LAMA1: variants seen among roughly 807,000 people sequenced by gnomAD.
The protein encoded by LAMA1 is laminin subunit alpha-1.
LAMA1 carries 219 observed loss-of-function variants against 348.7 expected under a neutral mutation model. That is an observed-to-expected ratio of 0.63 (90% confidence interval 0.56 to 0.70). The LOEUF is 0.70. Among genes scored for constraint, LAMA1 ranks in the 30% least tolerant of loss-of-function variants. LAMA1 has a pLI of 0.00. For synonymous variants in LAMA1, 1,487 were observed against 1,491.0 expected (o/e 1.00, Z 0.06); for missense variants, 3,744 against 3,888.0 (o/e 0.96, Z 0.99).
chr18:7,084,645 CT>C (rs1244298770), intron 1 of LAMA1, among the ~76,000 whole-genome samples: 1 of 152,204 alleles, frequency 6.6e-6, no homozygotes, highest in Non-Finnish European at 1.5e-5. Context: ...TTCCTTCTCA[CT>C]CACTAGCAGT....
chr18:7,065,339 A>G (rs1256038236), intron 3 of LAMA1, among the ~76,000 whole-genome samples: 2 of 152,110 alleles, frequency 1.3e-5, no homozygotes, highest in East Asian at 1.9e-4. Flanking sequence ...ATTTTTCTGT[A>G]AACCTAAAAC....
chr18:7,018,489 G>A (rs1340595807), intron 19 of LAMA1, among the ~76,000 whole-genome samples: 14 of 148,966 alleles, frequency 9.4e-5, no homozygotes, highest in Admixed American at 3.3e-4. Context: ...TCCGCCTTTC[G>A]GGTTCATGCC....
rs2057836471 is a variant in LAMA1 at position 7,007,252 on chromosome 18, C to T, written c.4147G>A (p.Gly1383Arg). 1 of 1,613,964 alleles carries T rather than the reference C, an allele frequency of 6.2e-7. No individual in the cohort carries two copies. Among genetic ancestry groups the T allele is most frequent in the African/African-American group, 1.3e-5 (1 of 74,906 alleles). The change falls in exon 29 of 63, where the codon GGG becomes AGG. Residue 1383 changes from glycine (G) to arginine (R), a missense_variant. Physicochemically the swap from Gly to Arg is moderately radical, Grantham distance 125 (BLOSUM62 -2). Transcript: ENST00000389658. ...CQDCAPGYHRGKLPAGSDRGP... is the reference protein window; with the variant it reads ...CQDCAPGYHRRKLPAGSDRGP... The stretch of plus-strand genomic sequence containing the variant: ...CTGTCACTCCCTGCTGGGAGCTTCC[C>T]TCTGTGGTACCCAGGGGCGCAGTCC...
intron 39 of LAMA1, 63 bp downstream of exon 39, chr18:6,985,174 T>G: frequency 6.4e-7 from 1 of 1,563,598 alleles, no homozygotes. Context: ...AATAGAAACA[T>G]CCATCTATTT....
At chr18:7,077,280 C>T (rs1319180192) in intron 3 of LAMA1, among the ~76,000 whole-genome samples, 1 of 148,176 alleles carries the variant, frequency 6.7e-6, no homozygotes, top group Non-Finnish European at 1.5e-5. Flanking sequence ...CGGCTCACTG[C>T]AAGCTCCGCC....
chr18:6,948,510 C>T lies in LAMA1; in HGVS notation c.8603G>A (p.Ser2868Asn), dbSNP rs765974845. The T allele has an allele frequency of 1.2e-6, 2 of 1,614,068 alleles. No homozygotes were observed. The highest frequency in any genetic ancestry group is 3.3e-5 in the Admixed American group (2 of 60,004). The change falls in exon 60 of 63, where the codon AGC (serine) becomes AAC (asparagine). Residue 2868 changes from serine to asparagine, a missense_variant. By Grantham distance (46) the Ser-to-Asn change is conservative (BLOSUM62 1). Around this residue, in one of 3 missense-constraint regions of LAMA1, gnomAD observed 1,983 missense variants for 1,934.3 expected, o/e 1.03. Transcript: ENST00000389658. ...PACIGDVTVN[S>N]KQLDKDSPVS... ...CGGGCTGTCCTTGTCCAGCTGTTTG[C>T]TGTTAACCGTCACATCCCCAATGCA...
At position 6,941,919 on chromosome 18, in the gene LAMA1, T is replaced by C; in HGVS notation, c.*160A>G. ...TTAGACCATTTAATGGAGGTATTTGTTGCACATGTGGTTTTAGTGTAACGT... is the reference window on the plus strand; with the variant it reads ...TTAGACCATTTAATGGAGGTATTTGCTGCACATGTGGTTTTAGTGTAACGT... On this transcript the variant is annotated 3_prime_UTR_variant, in exon 63 of 63. Coordinates refer to ENST00000389658, the MANE Select transcript of LAMA1 (RefSeq NM_005559.4). 1.2e-6 allele frequency: 1 copy of C among 807,456 alleles called. No homozygotes were observed. Among genetic ancestry groups the C allele is most frequent in the Non-Finnish European group, 2.1e-6 (1 of 476,190 alleles). The allele number at this position is 807,456 out of a possible 1,614,324, so 50.0% of individuals were successfully genotyped here. A position where few individuals can be genotyped will look rare whatever the true frequency, so the allele number is the denominator to read the frequency against.
At chr18:7,019,023 C>A (rs767044206) in intron 19 of LAMA1, among the ~76,000 whole-genome samples, 5 of 152,066 alleles carry the variant, frequency 3.3e-5, no homozygotes, top group African/African-American at 7.2e-5. Context: ...CTGGACCGTG[C>A]GGACTCTGCT....
At chr18:7,116,412 C>T (rs2143845587) in intron 1 of LAMA1, among the ~76,000 whole-genome samples, 1 of 152,340 alleles carries the variant, frequency 6.6e-6, no homozygotes, top group African/African-American at 2.4e-5. Context: ...CTCTTCCCAG[C>T]CTGGCTCTGC....
intron 23 of LAMA1, 127 bp downstream of exon 23, chr18:7,013,688 G>A (rs559181666): frequency 3.2e-5 from 26 of 822,830 alleles, no homozygotes; most frequent in Non-Finnish European, 5.4e-5. Flanking sequence ...GAACTCAGAT[G>A]CGGAAGGGAG....
At chr18:6,973,356 T>A in intron 46 of LAMA1, 149 bp from the exon 47 acceptor site, 1 of 705,948 alleles carries the variant, frequency 1.4e-6, no homozygotes, top group Non-Finnish European at 2.5e-6. Context: ...CAGTCTTGCC[T>A]ACTGCCCGAA....
At position 6,970,672 on chromosome 18, in the gene LAMA1, GGAGT is replaced by G. The variant is rs549940383; in HGVS notation, c.6899+1181_6899+1184del. Among the ~76,000 whole-genome samples the G allele has an allele frequency of 1.5e-4, 23 of 151,162 alleles. No individual in the cohort carries two copies. In the South Asian group the frequency reaches 4.8e-3, roughly 32 times the overall value. Reference sequence around the variant, plus strand: ...GGAGTTTCGCTCTGTCACCCATGCTGGAGTGCAGTGGCATGATCTTGGCTCTGCC... The same window carrying G: ...GGAGTTTCGCTCTGTCACCCATGCTGGCAGTGGCATGATCTTGGCTCTGCC... On this transcript the variant is annotated intron_variant, in intron 48 of 62. Coordinates refer to ENST00000389658, the MANE Select transcript of LAMA1 (RefSeq NM_005559.4).
At chr18:6,987,294 A>G (rs1051998403) in intron 36 of LAMA1, among the ~76,000 whole-genome samples, 29 of 152,228 alleles carry the variant, frequency 1.9e-4, no homozygotes, top group African/African-American at 7.0e-4. Context: ...ATCTTTCATT[A>G]TATATAATAC....
At chr18:7,076,138 G>A (rs940090485) in intron 3 of LAMA1, among the ~76,000 whole-genome samples, 5 of 152,122 alleles carry the variant, frequency 3.3e-5, no homozygotes, top group African/African-American at 7.2e-5. Flanking sequence ...CTGGTAGTTG[G>A]CTAATGGCTA....
At chr18:6,972,177 C>G (rs2057661406) in intron 47 of LAMA1, 196 bp from the exon 48 acceptor site, 1 of 582,260 alleles carries the variant, frequency 1.7e-6, no homozygotes, top group Non-Finnish European at 3.1e-6. Context: ...GAATGAGTAA[C>G]AACTGGGCAG....
intron 20 of LAMA1, among the ~76,000 whole-genome samples, 187 bp from the exon 21 acceptor site, chr18:7,016,858 T>C (rs1401584366): frequency 6.6e-6 from 1 of 152,228 alleles, no homozygotes; most frequent in Non-Finnish European, 1.5e-5. Flanking sequence ...AGCCACACTT[T>C]ATGACATGGT....
intron 42 of LAMA1, among the ~76,000 whole-genome samples, chr18:6,980,301 A>G (rs972800486): frequency 3.3e-5 from 5 of 152,224 alleles, no homozygotes; most frequent in Non-Finnish European, 5.9e-5. Context: ...TTTTAAGACT[A>G]TAATTCTAGT....
intron 15 of LAMA1, 85 bp downstream of exon 15, chr18:7,032,899 A>C (rs2057976872): frequency 9.9e-7 from 1 of 1,013,790 alleles, no homozygotes; most frequent in Non-Finnish European, 1.5e-6. Context: ...TAAAAATCAA[A>C]TGTTTGCCAT....
At chr18:7,007,913 T>TTTATTTATTTA (rs1568028350) in intron 28 of LAMA1, among the ~76,000 whole-genome samples, 280 of 136,828 alleles carry the variant, frequency 2.0e-3, no homozygotes, top group Middle Eastern at 3.6e-3. Flanking sequence ...ATTACTCCAC[T>TTTATTTATTTA]TTTATTTATT....
Sources: gnomAD v4.1 joint callset for allele counts (sites outside exome capture counted in the v4.1 genomes callset) on GRCh38, gnomAD v4.1.1 for gene constraint, gnomAD v4.1.1 regional missense constraint, MANE v1.5 for transcripts, NCBI Gene and HGNC (gene_info 2026-07-23, HGNC 2026-07-21) for gene names.